Variants in XKR5 observed in about 807,000 individuals in gnomAD.
XKR5 encodes XK-related protein 5.
A neutral mutation model predicts 40.8 loss-of-function variants in XKR5; 46 were observed. That is an observed-to-expected ratio of 1.13 (90% CI 0.89 to 1.44). The LOEUF (loss-of-function observed/expected upper bound fraction) is 1.44, where lower values mean the gene tolerates loss of function less well. Among genes scored for constraint, XKR5 ranks in the 40% most tolerant of loss-of-function variants. XKR5 has a pLI of 0.00. For missense variants in XKR5, 1,169 were observed against 844.7 expected (o/e 1.38, Z -4.76); for synonymous variants, 466 against 356.1 (o/e 1.31, Z -3.48).
Position 6,812,667 on chromosome 8 carries a change from T to G in XKR5, c.920-328A>C, listed in dbSNP as rs559672460. Among the ~76,000 whole-genome samples the G allele has an allele frequency of 1.4e-4, 21 of 152,366 alleles. 1 individual carries two copies. The East Asian group carries it at 3.3e-3, about 24-fold the overall frequency. ...ATTCATGCATGTGTGTGTGCGTGTG[T>G]ACACACAGGTACAAAATGTTTGGCA... On this transcript the variant is annotated intron_variant, in intron 6 of 6. Coordinates refer to ENST00000618742, the MANE Select transcript of XKR5 (RefSeq NM_207411.5).
rs1281113439 is a variant in XKR5, at chr8:6,808,628, C to G, written c.*2570G>C. 1.3e-5 allele frequency: 2 copies of G among 152,148 alleles called. No homozygotes were observed. Among genetic ancestry groups the G allele is most frequent in the Non-Finnish European group, 2.9e-5 (2 of 68,024 alleles). The allele number at this position is 152,148 out of a possible 1,614,324, so 9.4% of individuals were successfully genotyped here. ...TTCTGGAGGCATGAAGTGAGGAAGC[C>G]ATCTGAGAAGCCGATGTTGGTCCAC... is the stretch of plus-strand genomic sequence containing the variant. On this transcript the variant is annotated 3_prime_UTR_variant, in exon 7 of 7. Transcript: ENST00000618742.
intron 4 of XKR5, among the ~76,000 whole-genome samples, chr8:6,822,283 G>A (rs1804276807): frequency 1.3e-5 from 2 of 152,212 alleles, no homozygotes; most frequent in Admixed American, 6.5e-5. Context: ...ACAAGAAAGA[G>A]TAGCTTCAAT....
At chr8:6,826,112 A>G (rs1010783632) in intron 2 of XKR5, among the ~76,000 whole-genome samples, 2 of 152,088 alleles carry the variant, frequency 1.3e-5, no homozygotes, top group African/African-American at 4.8e-5. Context: ...ATATGGGTGA[A>G]CACACATGTG....
intron 4 of XKR5, among the ~76,000 whole-genome samples, chr8:6,822,305 A>T (rs1804277661): frequency 6.6e-6 from 1 of 152,232 alleles, no homozygotes; most frequent in Admixed American, 6.5e-5. Flanking sequence ...ACACTTGCCA[A>T]ATATTGTATA....
intron 5 of XKR5, among the ~76,000 whole-genome samples, chr8:6,817,734 G>A (rs973810622): frequency 2.0e-5 from 3 of 152,138 alleles, no homozygotes; most frequent in Non-Finnish European, 2.9e-5. Flanking sequence ...ATTTCGCTGC[G>A]CTCTGAGATA....
intron 6 of XKR5, among the ~76,000 whole-genome samples, chr8:6,812,762 T>C (rs1273519412): frequency 6.6e-6 from 1 of 152,156 alleles, no homozygotes; most frequent in Non-Finnish European, 1.5e-5. Flanking sequence ...CAGTGGTTGA[T>C]GGGTTACAAA....
chr8:6,828,388 G>T (rs778925935), intron 2 of XKR5, among the ~76,000 whole-genome samples: 1 of 152,198 alleles, frequency 6.6e-6, no homozygotes, highest in Non-Finnish European at 1.5e-5. Flanking sequence ...CGAATATCTG[G>T]TGCTTGGTAA....
At chr8:6,827,771 G>T (rs1413006362) in intron 2 of XKR5, among the ~76,000 whole-genome samples, 1 of 152,114 alleles carries the variant, frequency 6.6e-6, no homozygotes, top group Non-Finnish European at 1.5e-5. Context: ...GCTTTGAGAG[G>T]CCCACCTGCT....
chr8:6,815,763 C>T (rs777359689), intron 6 of XKR5, 44 bp downstream of exon 6: 11 of 1,360,416 alleles, frequency 8.1e-6, no homozygotes, highest in Admixed American at 4.4e-5. Context: ...AAAAAAAATA[C>T]GTTGGGGAGG....
intron 2 of XKR5, among the ~76,000 whole-genome samples, chr8:6,828,244 T>C (rs1028711885): frequency 1.3e-5 from 2 of 152,134 alleles, no homozygotes; most frequent in Non-Finnish European, 2.9e-5. Context: ...AATAAGGTGG[T>C]CAGGGAATGC....
At position 6,821,877 on chromosome 8, in the gene XKR5, A is replaced by G. The variant is rs373084975; in HGVS notation, c.799T>C (p.Phe267Leu). 2.0e-5 allele frequency: 33 copies of G among 1,613,190 alleles called. No homozygotes were observed. The highest frequency in any genetic ancestry group is 2.8e-5 in the Non-Finnish European group (33 of 1,179,602). Residue 267 changes from phenylalanine to leucine, a missense_variant, in exon 5 of 7, where the codon TTC (phenylalanine) becomes CTC (leucine). Transcript: ENST00000618742. ...DSPSRNRMVT[F>L]YMVMLLENII... ...AGAAAAGTGCCACTTGCCATGTAGA[A>G]CGTGACCATCCTATTTCTAGAAGGG...
Position 6,810,878 on chromosome 8 carries a change from C to G in XKR5, c.*320G>C, listed in dbSNP as rs1444865294. ...AATCTGGGTTTTACCTTTGTGTTTC[C>G]TAGAAGCCACAGCAAAAAGATAAAA... On this transcript the variant is annotated 3_prime_UTR_variant, in exon 7 of 7. Transcript: ENST00000618742. The G allele has an allele frequency of 1.4e-5, 3 of 212,550 alleles. No homozygotes were observed. The highest frequency in any genetic ancestry group is 2.8e-5 in the Non-Finnish European group (3 of 107,530). The allele number at this position is 212,550 out of a possible 1,614,324, so 13.2% of individuals were successfully genotyped here.
chr8:6,809,620 A>G lies in XKR5; in HGVS notation c.*1578T>C, dbSNP rs1297567167. 1 of 152,110 alleles carries G rather than the reference A, an allele frequency of 6.6e-6. No homozygotes were observed. The highest frequency in any genetic ancestry group is 1.5e-5 in the Non-Finnish European group (1 of 68,054). 9.4% of individuals were successfully genotyped at this position (152,110 alleles called of 1,614,324 possible). A position where few individuals can be genotyped will look rare whatever the true frequency, so the allele number is the denominator to read the frequency against. Reference sequence around the variant, plus strand: ...CTCGTTATCTTCACCTGTTGTATGGAAAGTTTGTAGCCACTTGTCTGCATC... The same window carrying G: ...CTCGTTATCTTCACCTGTTGTATGGGAAGTTTGTAGCCACTTGTCTGCATC... On this transcript the variant is annotated 3_prime_UTR_variant, in exon 7 of 7. Transcript: ENST00000618742.
Position 6,832,905 on chromosome 8 carries a change from G to A in XKR5, c.59-5C>T, listed in dbSNP as rs533041015. ...AGTAAGCCACGGTGTAAAGGCCTGGGTGAGAAGGGGAAAGGCAAGCAGGTT... is the reference window on the plus strand; with the variant it reads ...AGTAAGCCACGGTGTAAAGGCCTGGATGAGAAGGGGAAAGGCAAGCAGGTT... On this transcript the variant is annotated splice_region_variant and splice_polypyrimidine_tract_variant and intron_variant, in intron 1 of 6. Coordinates refer to ENST00000618742, the MANE Select transcript of XKR5 (RefSeq NM_207411.5). The A allele has an allele frequency of 6.4e-7, 1 of 1,559,086 alleles. No homozygotes were observed. Among genetic ancestry groups the A allele is most frequent in the African/African-American group, 1.4e-5 (1 of 72,150 alleles).
In XKR5 at chr8:6,821,862, C is replaced by G. The variant is rs377201591; in HGVS notation, c.807+7G>C. On this transcript the variant is annotated splice_region_variant and intron_variant, in intron 5 of 6. Coordinates refer to ENST00000618742, the MANE Select transcript of XKR5 (RefSeq NM_207411.5). ...TAAAAGTTAGGATAAAGAAAAGTGC[C>G]ACTTGCCATGTAGAACGTGACCATC... 1.1e-5 allele frequency: 17 copies of G among 1,611,894 alleles called. No homozygotes were observed. In the African/African-American group the frequency reaches 2.3e-4, roughly 22 times the overall value.
chr8:6,812,053 A>G lies in XKR5; in HGVS notation c.1206T>C (p.His402=). Residue 402 remains histidine (H), a synonymous_variant, in exon 7 of 7, where the codon CAT becomes CAC. Coordinates refer to ENST00000618742, the MANE Select transcript of XKR5 (RefSeq NM_207411.5). The stretch of plus-strand genomic sequence containing the variant: ...CAAGTTTCACCCACAGCCAGTGGTG[A>G]TGACTGAGGAAAGAGTCCTCCACAG... ...QVAVEDSFLS[H]HHWLWVKLAL... 4 of 1,539,066 alleles carry G rather than the reference A, an allele frequency of 2.6e-6. No homozygotes were observed. The South Asian group carries it at 4.8e-5, about 18-fold the overall frequency.
chr8:6,814,685 A>G (rs950241346), intron 6 of XKR5, among the ~76,000 whole-genome samples: 2 of 152,194 alleles, frequency 1.3e-5, no homozygotes, highest in African/African-American at 4.8e-5. Context: ...TTTGATTTGA[A>G]AAAGAAGGGG....
intron 2 of XKR5, among the ~76,000 whole-genome samples, chr8:6,826,512 G>A (rs914711906): frequency 6.6e-6 from 1 of 152,188 alleles, no homozygotes; most frequent in African/African-American, 2.4e-5. Flanking sequence ...CTGAACAGGG[G>A]AGATGAGGGA....
In XKR5 at chr8:6,832,848, C is replaced by A. The variant is rs367779983; in HGVS notation, c.111G>T (p.Trp37Cys). Reference sequence around the variant, plus strand: ...CGGGCAGGAGGACAGCAAGGGCCAGCCACCCCCACAGAAGCCGTCCTGTGG... The same window carrying A: ...CGGGCAGGAGGACAGCAAGGGCCAGACACCCCCACAGAAGCCGTCCTGTGG... ...YFTTGRLLWGWLALAVLLPGF... is the reference protein window; with the variant it reads ...YFTTGRLLWGCLALAVLLPGF... Residue 37 changes from tryptophan to cysteine, a missense_variant, in exon 2 of 7, where the codon TGG becomes TGT. Physicochemically the swap from Trp to Cys is radical, Grantham distance 215. Transcript: ENST00000618742. 6.2e-7 allele frequency: 1 copy of A among 1,610,522 alleles called. No homozygotes were observed. Among genetic ancestry groups the A allele is most frequent in the Non-Finnish European group, 8.5e-7 (1 of 1,178,592 alleles).
Sources: gnomAD v4.1 joint callset for allele counts (sites outside exome capture counted in the v4.1 genomes callset) on GRCh38, gnomAD v4.1.1 for gene constraint, MANE v1.5 for transcripts, NCBI Gene and HGNC (gene_info 2026-07-23, HGNC 2026-07-21) for gene names.